CACNB2: variants seen among roughly 807,000 people sequenced by gnomAD.
The protein encoded by CACNB2 is calcium voltage-gated channel auxiliary subunit beta 2, also known as voltage-dependent L-type calcium channel subunit beta-2.
Under a neutral mutation model 73.3 loss-of-function variants are expected in CACNB2, and 42 were observed. That is an observed-to-expected ratio of 0.57 (90% CI 0.45 to 0.74). CACNB2 has a LOEUF of 0.74. Among genes scored for constraint, CACNB2 ranks in the 30% least tolerant of loss-of-function variants. The pLI is 0.00. For missense variants in CACNB2, 940 were observed against 853.0 expected (o/e 1.10, Z -1.27); for synonymous variants, 348 against 310.3 (o/e 1.12, Z -1.28).
rs886046892 is a variant in CACNB2, at chr10:18,539,907, T to TGTAA, written c.*186_*189dup. The stretch of plus-strand genomic sequence containing the variant: ...TAGAGTATTGAGATACTTTTTCTTT[T>TGTAA]GTAAGTGCTACATAAATTGGCCTGG... On this transcript the variant is annotated 3_prime_UTR_variant, in exon 14 of 14. Coordinates refer to ENST00000324631, the MANE Select transcript of CACNB2 (RefSeq NM_201596.3). The TGTAA allele has an allele frequency of 1.1e-4, 74 of 694,450 alleles. 1 individual carries two copies. Among genetic ancestry groups the TGTAA allele is most frequent in the Admixed American group, 6.8e-4 (22 of 32,210 alleles). 43.0% of individuals were successfully genotyped at this position (694,450 alleles called of 1,614,324 possible). A position where few individuals can be genotyped will look rare whatever the true frequency, so the allele number is the denominator to read the frequency against.
At chr10:18,365,557 C>G (rs549422409) in intron 2 of CACNB2, among the ~76,000 whole-genome samples, 4 of 152,160 alleles carry the variant, frequency 2.6e-5, no homozygotes, top group Admixed American at 2.6e-4. Context: ...TAAATTATTT[C>G]TAATTAAAAC....
chr10:18,339,619 G>C (rs1476321971), intron 2 of CACNB2, among the ~76,000 whole-genome samples: 1 of 152,154 alleles, frequency 6.6e-6, no homozygotes, highest in Non-Finnish European at 1.5e-5. Flanking sequence ...GGCCACGTAG[G>C]ACATATTTAA....
chr10:18,456,568 C>G (rs2047292918), intron 3 of CACNB2, among the ~76,000 whole-genome samples: 1 of 152,156 alleles, frequency 6.6e-6, no homozygotes, highest in African/African-American at 2.4e-5. Context: ...AGCCAATCAC[C>G]TCCCACCAGG....
intron 12 of CACNB2, 47 bp downstream of exon 12, chr10:18,536,243 C>CTTTTCTTTTTTTTTTTTTTTTTTT (rs1327787339): frequency 2.1e-5 from 6 of 283,222 alleles, no homozygotes; most frequent in Middle Eastern, 5.3e-4. Context: ...GAGATCAGAC[C>CTTTTCTTTTTTTTTTTTTTTTTTT]TTTTTTTTTT....
intron 2 of CACNB2, chr10:18,257,294 C>T (rs1237853853): frequency 4.6e-5 from 7 of 152,170 alleles, no homozygotes; most frequent in African/African-American, 1.7e-4. Context: ...TTCATCTTAG[C>T]CCAGCAGCCG....
chr10:18,506,133 G>A (rs1019851261), intron 5 of CACNB2, among the ~76,000 whole-genome samples: 3 of 152,124 alleles, frequency 2.0e-5, no homozygotes, highest in East Asian at 1.9e-4. Context: ...TCTGTGCATC[G>A]CCTCTGAGGG....
chr10:18,333,318 G>C (rs180715568), intron 2 of CACNB2, among the ~76,000 whole-genome samples: 3 of 152,104 alleles, frequency 2.0e-5, no homozygotes, highest in Admixed American at 2.0e-4. Flanking sequence ...TTCTTAGAGG[G>C]ATAAACTCTG....
intron 2 of CACNB2, among the ~76,000 whole-genome samples, chr10:18,170,709 C>T (rs2033162507): frequency 6.6e-6 from 1 of 152,198 alleles, no homozygotes. Flanking sequence ...GTCTTAATGA[C>T]ATTTGAGCAG....
intron 2 of CACNB2, chr10:18,261,936 A>G (rs756867936): frequency 7.7e-6 from 4 of 518,926 alleles, no homozygotes; most frequent in Non-Finnish European, 1.5e-5. Context: ...GTGTATCACT[A>G]CTTAACATGA....
At chr10:18,418,137 C>T (rs973954349) in intron 3 of CACNB2, among the ~76,000 whole-genome samples, 18 of 152,124 alleles carry the variant, frequency 1.2e-4, no homozygotes, top group Admixed American at 5.2e-4. Context: ...TGCAGTGGCG[C>T]CCTCTTGGCT....
intron 2 of CACNB2, among the ~76,000 whole-genome samples, chr10:18,269,448 G>T (rs763312821): frequency 2.0e-5 from 3 of 152,062 alleles, no homozygotes; most frequent in Admixed American, 1.3e-4. Context: ...TATTCCTTCA[G>T]GTGGTCATGA....
chr10:18,355,042 A>G (rs1038829889), intron 2 of CACNB2, among the ~76,000 whole-genome samples: 4 of 152,220 alleles, frequency 2.6e-5, no homozygotes, highest in Non-Finnish European at 4.4e-5. Flanking sequence ...GGCTATATGT[A>G]TAAAGTGTAC....
At chr10:18,262,605 C>T (rs1036940371) in intron 2 of CACNB2, among the ~76,000 whole-genome samples, 1 of 152,082 alleles carries the variant, frequency 6.6e-6, no homozygotes, top group African/African-American at 2.4e-5. Flanking sequence ...ATAAGTGTTA[C>T]AAACTTTTTA....
chr10:18,503,137 C>G (rs1233775366), intron 5 of CACNB2, among the ~76,000 whole-genome samples: 2 of 151,878 alleles, frequency 1.3e-5, no homozygotes, highest in African/African-American at 4.9e-5. Flanking sequence ...AAATGCATTT[C>G]TTAATGAGAA....
intron 2 of CACNB2, among the ~76,000 whole-genome samples, chr10:18,401,491 AGAG>A (rs2043994169): frequency 6.6e-6 from 1 of 152,190 alleles, no homozygotes; most frequent in African/African-American, 2.4e-5. Context: ...GACATTTTGG[AGAG>A]TTCAAGTTTA....
rs374109979 is a variant in CACNB2, at chr10:18,341,835, A to G, written c.214-60089A>G. Among the ~76,000 whole-genome samples the G allele has an allele frequency of 1.1e-4, 17 of 152,308 alleles. No homozygotes were observed. In the South Asian group the frequency reaches 1.4e-3, roughly 13 times the overall value. ...GTGGTCATTTCTTCTATGTTGTATC[A>G]TATAAAACTGGAAACTGAGATACTT... On this transcript the variant is annotated intron_variant, in intron 2 of 13. Transcript: ENST00000324631.
intron 3 of CACNB2, among the ~76,000 whole-genome samples, chr10:18,481,904 C>CA (rs1457925540): frequency 1.3e-5 from 2 of 152,028 alleles, no homozygotes; most frequent in African/African-American, 4.8e-5. Flanking sequence ...TTTTCTGAGA[C>CA]AGAGTTCTGT....
chr10:18,527,687 G>C lies in CACNB2; in HGVS notation c.1044G>C (p.Arg348Ser). The change falls in exon 10 of 14, where the codon AGG becomes AGC. Residue 348 changes from arginine (R) to serine (S), a missense_variant. Arg to Ser is a moderately radical substitution (Grantham distance 110). Coordinates refer to ENST00000324631, the MANE Select transcript of CACNB2 (RefSeq NM_201596.3). The part of the protein sequence containing the change: ...KHAIIERSNT[R>S]SSLAEVQSEI... ...CAATAATAGAAAGATCCAACACAAG[G>C]TCAAGCTTAGGTAAGTCTGTGCAAT... 1 of 1,608,858 alleles carries C rather than the reference G, an allele frequency of 6.2e-7. No homozygotes were observed. Among genetic ancestry groups the C allele is most frequent in the African/African-American group, 1.3e-5 (1 of 74,910 alleles).
chr10:18,358,761 T>A (rs970738774), intron 2 of CACNB2, among the ~76,000 whole-genome samples: 3 of 152,084 alleles, frequency 2.0e-5, no homozygotes, highest in African/African-American at 7.2e-5. Context: ...GACAAAGAAG[T>A]GTGAATTGCC....
Sources: gnomAD v4.1 joint callset for allele counts (sites outside exome capture counted in the v4.1 genomes callset) on GRCh38, gnomAD v4.1.1 for gene constraint, MANE v1.5 for transcripts, NCBI Gene and HGNC (gene_info 2026-07-23, HGNC 2026-07-21) for gene names.